Variants in PTPRQ observed in about 807,000 individuals in gnomAD.
The protein encoded by PTPRQ is phosphatidylinositol phosphatase PTPRQ.
In PTPRQ, 199 loss-of-function variants were observed where a neutral mutation model predicts 246.0. That is an observed-to-expected ratio of 0.81 (90% confidence interval 0.72 to 0.91). The LOEUF is 0.91. Among genes scored for constraint, PTPRQ ranks in the 40% least tolerant of loss-of-function variants. The pLI is 0.00. For missense variants in PTPRQ, 2,624 were observed against 2,528.4 expected (o/e 1.04, Z -0.81); for synonymous variants, 869 against 853.2 (o/e 1.02, Z -0.32).
At chr12:80,557,655 TAA>T in intron 25 of PTPRQ, among the ~76,000 whole-genome samples, 2 of 152,258 alleles carry the variant, frequency 1.3e-5, no homozygotes, top group Middle Eastern at 6.8e-3. Flanking sequence ...CTAAACATTT[TAA>T]AGATAGTTGT....
intron 26 of PTPRQ, among the ~76,000 whole-genome samples, chr12:80,603,555 T>C (rs1200487675): frequency 6.6e-6 from 1 of 151,642 alleles, no homozygotes; most frequent in Admixed American, 6.6e-5. Flanking sequence ...GTACCATGAA[T>C]CCCTTTGGAA....
chr12:80,513,739 A>C (rs1195617169), intron 17 of PTPRQ, among the ~76,000 whole-genome samples: 5 of 152,120 alleles, frequency 3.3e-5, no homozygotes, highest in African/African-American at 1.2e-4. Context: ...ATTCTGGCAC[A>C]AACTTGCAGT....
In PTPRQ at chr12:80,460,749, T is replaced by C. The variant is rs1893136360; in HGVS notation, c.757T>C (p.Leu253=). 1 of 400,356 alleles carries C rather than the reference T, an allele frequency of 2.5e-6. No homozygotes were observed. Among genetic ancestry groups the C allele is most frequent in the African/African-American group, 2.1e-5 (1 of 48,678 alleles). The allele number at this position is 400,356 out of a possible 1,614,324, so 24.8% of individuals were successfully genotyped here. Residue 253 remains leucine, a synonymous_variant, in exon 6 of 45, where the codon TTG becomes CTG. Transcript: ENST00000644991. ...PSRTTHSSST[L]TQNEISSVWK... is the part of the protein sequence containing the mutation. ...GCGTACCACACATTCATCAAGCACG[T>C]TGACACAGAATGAGATCAGCTCTGT...
chr12:80,678,374 A>G (rs1901212105), intron 43 of PTPRQ, among the ~76,000 whole-genome samples: 1 of 152,152 alleles, frequency 6.6e-6, no homozygotes, highest in Non-Finnish European at 1.5e-5. Context: ...CTTGGTGTTT[A>G]GTGACAAGTG....
At chr12:80,649,460 G>T (rs2121223237) in intron 36 of PTPRQ, 128 bp from the exon 37 acceptor site, 1 of 1,261,208 alleles carries the variant, frequency 7.9e-7, no homozygotes, top group Non-Finnish European at 1.0e-6. Context: ...ACTTTAAAAA[G>T]CTGTGTTGTT....
intron 35 of PTPRQ, among the ~76,000 whole-genome samples, chr12:80,646,485 G>A (rs1900077079): frequency 9.5e-6 from 1 of 105,330 alleles, no homozygotes; most frequent in South Asian, 2.7e-4. Context: ...TCCCCCTTGA[G>A]GGGTGAGGGA....
intron 25 of PTPRQ, among the ~76,000 whole-genome samples, chr12:80,558,566 A>G (rs979063084): frequency 2.0e-5 from 3 of 147,652 alleles, no homozygotes; most frequent in African/African-American, 7.6e-5. Context: ...TTTTGTGGCT[A>G]TTAGAAATAA....
intron 25 of PTPRQ, chr12:80,583,889 T>G (rs1401198675): frequency 6.6e-6 from 1 of 152,196 alleles, no homozygotes; most frequent in East Asian, 1.9e-4. Flanking sequence ...TGAGAGCCCC[T>G]TCCCTGGCTG....
At chr12:80,613,158 C>T (rs1898617390) in intron 28 of PTPRQ, among the ~76,000 whole-genome samples, 1 of 148,682 alleles carries the variant, frequency 6.7e-6, no homozygotes, top group African/African-American at 2.5e-5. Flanking sequence ...GTACCAATAT[C>T]AGTTTCCTGG....
In PTPRQ at chr12:80,621,951, T is replaced by A. The variant is rs965371026; in HGVS notation, c.5613-110T>A. The A allele has an allele frequency of 1.4e-5, 11 of 776,778 alleles. No individual in the cohort carries two copies. The Admixed American group carries it at 4.9e-4, about 35-fold the overall frequency. The allele number at this position is 776,778 out of a possible 1,614,324, so 48.1% of individuals were successfully genotyped here. A position where few individuals can be genotyped will look rare whatever the true frequency, so the allele number is the denominator to read the frequency against. ...CCATTCCAAATTTTCATCTTGTAAA[T>A]TCATTTTCTTTTGAATTAAATAAAT... On this transcript the variant is annotated intron_variant, in intron 32 of 44. Coordinates refer to ENST00000644991, the MANE Select transcript of PTPRQ (RefSeq NM_001145026.2).
At position 80,496,394 on chromosome 12, in the gene PTPRQ, A is replaced by G. The variant is rs1894623505; in HGVS notation, c.2135A>G (p.Lys712Arg). 3.9e-6 allele frequency: 6 copies of G among 1,550,656 alleles called. No individual in the cohort carries two copies. Among genetic ancestry groups the G allele is most frequent in the Middle Eastern group, 3.3e-4 (2 of 5,976 alleles). The stretch of plus-strand genomic sequence containing the variant: ...AAAAATATAGATACTTTATATATGA[A>G]GAACACATCAACAACAGACATAATA... Reference protein sequence around the residue: ...LYKNIDTLYMKNTSTTDIILR... With the variant: ...LYKNIDTLYMRNTSTTDIILR... Residue 712 changes from lysine (K) to arginine (R), a missense_variant, in exon 14 of 45, where the codon AAG becomes AGG. Coordinates refer to ENST00000644991, the MANE Select transcript of PTPRQ (RefSeq NM_001145026.2).
intron 33 of PTPRQ, among the ~76,000 whole-genome samples, chr12:80,626,262 G>T (rs560361834): frequency 1.4e-4 from 22 of 152,158 alleles, no homozygotes; most frequent in Non-Finnish European, 2.8e-4. Context: ...CTGTAGTCAA[G>T]ACAGACGTAT....
At chr12:80,563,472 C>A (rs904824113) in intron 25 of PTPRQ, among the ~76,000 whole-genome samples, 4 of 152,184 alleles carry the variant, frequency 2.6e-5, no homozygotes, top group African/African-American at 9.6e-5. Context: ...GGCCTTATAT[C>A]CTAATGTCAT....
At chr12:80,598,273 T>C (rs1316179806) in intron 26 of PTPRQ, among the ~76,000 whole-genome samples, 1 of 151,978 alleles carries the variant, frequency 6.6e-6, no homozygotes, top group African/African-American at 2.4e-5. Flanking sequence ...CATAAAATGA[T>C]AGGAAATATT....
chr12:80,525,684 C>A (rs954160575), intron 17 of PTPRQ, among the ~76,000 whole-genome samples: 1 of 151,738 alleles, frequency 6.6e-6, no homozygotes. Flanking sequence ...CTCTCTCTGT[C>A]TCTGTCACTC....
At position 80,670,400 on chromosome 12, in the gene PTPRQ, G is replaced by GGTT. The variant is rs1900931478; in HGVS notation, c.6511_6513dup (p.Val2171dup). 4 of 1,551,036 alleles carry GGTT rather than the reference G, an allele frequency of 2.6e-6. No homozygotes were observed. Among genetic ancestry groups the GGTT allele is most frequent in the Non-Finnish European group, 3.5e-6 (4 of 1,146,626 alleles). ...ACTTTACTGCCTGGCCAGAGCATGGGGTTCCTGAGAACAGCGCCCCTCTAA... is the reference window on the plus strand; with the variant it reads ...ACTTTACTGCCTGGCCAGAGCATGGGGTTGTTCCTGAGAACAGCGCCCCTCTAA... On this transcript the variant is annotated inframe_insertion, in exon 42 of 45. Transcript: ENST00000644991.
At chr12:80,543,203 A>G (rs1392921405) in intron 23 of PTPRQ, among the ~76,000 whole-genome samples, 3 of 152,138 alleles carry the variant, frequency 2.0e-5, no homozygotes, top group Non-Finnish European at 1.5e-5. Flanking sequence ...ATGTATTTCT[A>G]TCTATTGTTA....
chr12:80,666,362 A>G (rs530045178), intron 39 of PTPRQ, among the ~76,000 whole-genome samples: 13 of 151,980 alleles, frequency 8.6e-5, no homozygotes, highest in Non-Finnish European at 1.5e-4. Context: ...AGGCTGAAAA[A>G]GTTGATCTCG....
At chr12:80,578,523 T>C (rs1364253989) in intron 25 of PTPRQ, among the ~76,000 whole-genome samples, 1 of 151,858 alleles carries the variant, frequency 6.6e-6, no homozygotes, top group Non-Finnish European at 1.5e-5. Flanking sequence ...CCTGAGTAGC[T>C]GGGGCTGCAG....
Sources: allele counts gnomAD v4.1 joint callset (sites outside exome capture counted in the v4.1 genomes callset), GRCh38; gene constraint gnomAD v4.1.1; transcripts MANE v1.5; gene names NCBI Gene and HGNC (gene_info 2026-07-23, HGNC 2026-07-21).